MYO5A: variants seen among roughly 807,000 people sequenced by gnomAD.
MYO5A encodes the protein myosin VA.
MYO5A carries 98 observed loss-of-function variants against 249.7 expected under a neutral mutation model. The ratio of observed to expected loss-of-function variants is 0.39; its 90% CI spans 0.33 to 0.46. The LOEUF (loss-of-function observed/expected upper bound fraction) is 0.46. MYO5A is among the 20% of genes least tolerant of loss of function. The pLI is 0.98. For missense variants in MYO5A, 1,696 were observed against 2,308.8 expected, an observed-to-expected ratio of 0.73 and a Z score of 5.44; for synonymous variants, 778 against 810.6, an observed-to-expected ratio of 0.96 and a Z score of 0.68.
intron 1 of MYO5A, among the ~76,000 whole-genome samples, chr15:52,524,035 G>C (rs2077679814): frequency 6.6e-6 from 1 of 152,222 alleles, no homozygotes. Context: ...CTGTATATAT[G>C]AGAGGATATG....
intron 28 of MYO5A, among the ~76,000 whole-genome samples, chr15:52,349,147 G>T (rs955849074): frequency 6.6e-6 from 1 of 152,118 alleles, no homozygotes; most frequent in African/African-American, 2.4e-5. Flanking sequence ...GTTATTTGTG[G>T]GTGAAATTCT....
chr15:52,373,844 G>A (rs1302187758), intron 20 of MYO5A, among the ~76,000 whole-genome samples: 1 of 152,146 alleles, frequency 6.6e-6, no homozygotes, highest in African/African-American at 2.4e-5. Context: ...ACATAAAGGA[G>A]GGGTGAGCAG....
At position 52,497,002 on chromosome 15, in the gene MYO5A, C is replaced by T. The variant is rs141990097; in HGVS notation, c.27+31778G>A. On this transcript the variant is annotated intron_variant, in intron 1 of 41. Coordinates refer to ENST00000399233, the MANE Select transcript of MYO5A (RefSeq NM_001382347.1). ...CAGACAGAGTCATCTTGCTCTGTCA[C>T]CCAGGCTGCACTGCAGTGACACAAT... Among the ~76,000 whole-genome samples the T allele has an allele frequency of 1.1e-4, 17 of 152,258 alleles. No homozygotes were observed. The East Asian group carries it at 3.1e-3, about 28-fold the overall frequency.
chr15:52,461,257 G>A (rs1430759229), intron 1 of MYO5A, among the ~76,000 whole-genome samples: 1 of 152,074 alleles, frequency 6.6e-6, no homozygotes, highest in Non-Finnish European at 1.5e-5. Context: ...CGGGCCAATA[G>A]GTATGTTTTG....
intron 20 of MYO5A, 94 bp downstream of exon 20, chr15:52,375,210 T>C (rs1370444536): frequency 7.5e-7 from 1 of 1,335,200 alleles, no homozygotes; most frequent in African/African-American, 1.5e-5. Flanking sequence ...ATACAGTTCC[T>C]ACCTTCATTG....
intron 1 of MYO5A, among the ~76,000 whole-genome samples, chr15:52,446,382 G>A (rs1052597027): frequency 2.0e-5 from 3 of 152,266 alleles, no homozygotes; most frequent in African/African-American, 7.2e-5. Context: ...TAGGTGTACA[G>A]AATAAAAAGT....
chr15:52,389,858 G>T (rs1314546625), intron 12 of MYO5A, among the ~76,000 whole-genome samples: 1 of 152,144 alleles, frequency 6.6e-6, no homozygotes, highest in East Asian at 1.9e-4. Flanking sequence ...GGAGACTGAG[G>T]CAGGAGAATC....
intron 1 of MYO5A, among the ~76,000 whole-genome samples, chr15:52,480,710 TC>T (rs1365010383): frequency 6.6e-6 from 1 of 152,226 alleles, no homozygotes; most frequent in Non-Finnish European, 1.5e-5. Flanking sequence ...GTGCTAGTTA[TC>T]ATTGGAGAGT....
At chr15:52,349,302 C>A (rs1205114643) in intron 28 of MYO5A, among the ~76,000 whole-genome samples, 2 of 152,194 alleles carry the variant, frequency 1.3e-5, no homozygotes, top group Admixed American at 6.5e-5. Context: ...TGTTGCTCAC[C>A]ACTGCCCTGC....
intron 1 of MYO5A, among the ~76,000 whole-genome samples, chr15:52,451,017 T>C (rs150434777): frequency 2.0e-5 from 3 of 151,858 alleles, no homozygotes; most frequent in African/African-American, 7.3e-5. Flanking sequence ...CAAATTTCTA[T>C]CTCTACCTAG....
At chr15:52,510,478 T>C (rs66470225) in intron 1 of MYO5A, among the ~76,000 whole-genome samples, 22,855 of 152,170 alleles carry the variant, frequency 0.15, 1,828 homozygotes, top group Middle Eastern at 0.22. Context: ...CCCCGGGCTA[T>C]GGACCAGTAC....
intron 23 of MYO5A, 68 bp from the exon 24 acceptor site, chr15:52,364,770 T>C (rs2040729632): frequency 1.9e-6 from 3 of 1,564,246 alleles, no homozygotes; most frequent in Non-Finnish European, 2.6e-6. Flanking sequence ...TAAACATGTA[T>C]ACTGATTTCC....
At chr15:52,459,147 ATTTTTTTTT>A (rs531798708) in intron 1 of MYO5A, among the ~76,000 whole-genome samples, 16 of 64,292 alleles carry the variant, frequency 2.5e-4, no homozygotes, top group African/African-American at 5.5e-4. Flanking sequence ...TTTTCCAGAA[ATTTTTTTTT>A]TTTTTTTTTT....
At chr15:52,416,370 A>T in intron 4 of MYO5A, 69 bp from the exon 5 acceptor site, 5 of 1,508,964 alleles carry the variant, frequency 3.3e-6, no homozygotes, top group Non-Finnish European at 4.5e-6. Flanking sequence ...AAGGGAAACT[A>T]TGGTCTCTAT....
intron 1 of MYO5A, among the ~76,000 whole-genome samples, chr15:52,476,209 C>T (rs1200393256): frequency 6.6e-6 from 1 of 152,122 alleles, no homozygotes; most frequent in Admixed American, 6.5e-5. Flanking sequence ...ACTAGGATTG[C>T]AACCCCTGCC....
chr15:52,487,816 C>G (rs534171710), intron 1 of MYO5A, among the ~76,000 whole-genome samples: 94 of 152,038 alleles, frequency 6.2e-4, no homozygotes, highest in African/African-American at 2.2e-3. Flanking sequence ...CATACTTGTA[C>G]GGCCGGCGTT....
intron 4 of MYO5A, among the ~76,000 whole-genome samples, chr15:52,418,897 G>C (rs1022996512): frequency 1.3e-5 from 2 of 152,090 alleles, no homozygotes; most frequent in East Asian, 1.9e-4. Flanking sequence ...TTATTTTATA[G>C]ATTTTCCTTT....
intron 4 of MYO5A, 49 bp from the exon 5 acceptor site, chr15:52,416,350 C>G (rs769018390): frequency 6.3e-7 from 1 of 1,580,874 alleles, no homozygotes; most frequent in South Asian, 1.1e-5. Context: ...CTGCCTATAG[C>G]AGGATTGATA....
Position 52,356,677 on chromosome 15 carries a change from T to C in MYO5A, c.3424-2663A>G, listed in dbSNP as rs548737110. Among the ~76,000 whole-genome samples, 47 of 150,874 alleles carry C rather than the reference T, an allele frequency of 3.1e-4. No homozygotes were observed. The East Asian group carries it at 4.8e-3, about 16-fold the overall frequency. On this transcript the variant is annotated intron_variant, in intron 25 of 41. Coordinates refer to ENST00000399233, the MANE Select transcript of MYO5A (RefSeq NM_001382347.1). ...ATTAAATTGGGCCAATTTAAACTTC[T>C]ATCAGCAACCATCACCTTGCCTTCA...
Sources: allele counts gnomAD v4.1 joint callset (sites outside exome capture counted in the v4.1 genomes callset), GRCh38; gene constraint gnomAD v4.1.1; transcripts MANE v1.5; gene names NCBI Gene and HGNC (gene_info 2026-07-23, HGNC 2026-07-21).